The following TTYH1 variants were observed in gnomAD, a reference collection of about 807,000 sequenced individuals.
The protein encoded by TTYH1 is protein tweety homolog 1.
Under a neutral mutation model 61.2 loss-of-function variants are expected in TTYH1, and 33 were observed. That is an observed-to-expected ratio of 0.54 (90% CI 0.41 to 0.72). The LOEUF is 0.72. Ranked by LOEUF, TTYH1 falls within the 30% of genes least tolerant of loss-of-function variation. The pLI, the probability that TTYH1 is intolerant of heterozygous loss-of-function variation, is 0.00. For synonymous variants in TTYH1, 308 were observed against 266.4 expected (o/e 1.16, Z -1.52); for missense variants, 538 against 575.8 (o/e 0.93, Z 0.67).
At chr19:54,431,659 T>C (rs752030733) in intron 10 of TTYH1, 7 of 182,686 alleles carry the variant, frequency 3.8e-5, no homozygotes, top group Non-Finnish European at 8.2e-5. Flanking sequence ...AAACCTGGGA[T>C]TGCAAGAGTG....
rs2122837675 is a variant in TTYH1, at chr19:54,415,717, G to A, written c.126+39G>A. ...CCAGGGCCTGGGGGCCAGGGCTGGGGGCCGGAGCTCCTGGGTCCCGAGGGA... is the reference window on the plus strand; with the variant it reads ...CCAGGGCCTGGGGGCCAGGGCTGGGAGCCGGAGCTCCTGGGTCCCGAGGGA... On this transcript the variant is annotated intron_variant, in intron 1 of 13. Coordinates refer to ENST00000376530, the MANE Select transcript of TTYH1 (RefSeq NM_020659.4). This position sits in a 1 kb window ranked among gnomAD's most constrained non-coding sequence, Gnocchi z 5.2. 1 of 1,496,904 alleles carries A rather than the reference G, an allele frequency of 6.7e-7. No homozygotes were observed. The highest frequency in any genetic ancestry group is 8.9e-7 in the Non-Finnish European group (1 of 1,124,848). 92.7% of individuals were successfully genotyped at this position (1,496,904 alleles called of 1,614,324 possible).
At chr19:54,426,350 T>A in intron 4 of TTYH1, 1 of 348,138 alleles carries the variant, frequency 2.9e-6, no homozygotes, top group Non-Finnish European at 5.3e-6. Flanking sequence ...CTCTGCAGGG[T>A]GGGGTTGGGG....
At chr19:54,422,868 G>A (rs560162541) in intron 4 of TTYH1, among the ~76,000 whole-genome samples, 8 of 147,694 alleles carry the variant, frequency 5.4e-5, no homozygotes, top group Non-Finnish European at 7.4e-5. Context: ...AATGGAGGTT[G>A]CAGTGAGCCG....
In TTYH1 at chr19:54,435,551, G is replaced by A. The variant is rs961080546; in HGVS notation, c.1135G>A (p.Ala379Thr). Residue 379 changes from alanine to threonine, a missense_variant, in exon 11 of 14, where the codon GCA becomes ACA. Physicochemically the swap from Ala to Thr is moderately conservative, Grantham distance 58. Around this residue, in one of 3 missense-constraint regions of TTYH1, gnomAD observed 378 missense variants for 401.2 expected, o/e 0.94. Coordinates refer to ENST00000376530, the MANE Select transcript of TTYH1 (RefSeq NM_020659.4). The part of the protein sequence containing the change: ...HCRSLHKDYG[A>T]ALRGLCEDAL... ...GACGCCCTCCCCTCAGGACTATGGT[G>A]CAGCCCTGCGGGGCCTGTGCGAAGA... 1.2e-6 allele frequency: 2 copies of A among 1,602,084 alleles called. No individual in the cohort carries two copies.
chr19:54,425,636 T>A (rs1007473519), intron 4 of TTYH1, among the ~76,000 whole-genome samples: 3 of 152,184 alleles, frequency 2.0e-5, no homozygotes, highest in Admixed American at 1.3e-4. Flanking sequence ...CAGCTAGTCC[T>A]GTCTCTCACT....
rs545547676 is a variant in TTYH1 at position 54,436,831 on chromosome 19, G to C, written c.*541G>C. 3.4e-4 allele frequency: 58 copies of C among 168,270 alleles called. 1 individual carries two copies. The highest frequency in any genetic ancestry group is 6.2e-4 in the Non-Finnish European group (50 of 80,158). The allele number at this position is 168,270 out of a possible 1,614,324, so 10.4% of individuals were successfully genotyped here. A position where few individuals can be genotyped will look rare whatever the true frequency, so the allele number is the denominator to read the frequency against. On this transcript the variant is annotated 3_prime_UTR_variant, in exon 14 of 14. Coordinates refer to ENST00000376530, the MANE Select transcript of TTYH1 (RefSeq NM_020659.4). The surrounding 1 kb of genome is among the most constrained non-coding windows in gnomAD (Gnocchi z 4.3). ...CCTCCCAGCTGCCAGGAATTTCTGC[G>C]CCTGTCCAGGCTCAGCAAGGGGTCC...
At position 54,420,963 on chromosome 19, in the gene TTYH1, G is replaced by C; in HGVS notation, c.306-314G>C. Reference sequence around the variant, plus strand: ...TAGGGAGGGGAAGACGGCCCATCCCGGAGCTGGGTGTGACTGGGGTTCTGC... The same window carrying C: ...TAGGGAGGGGAAGACGGCCCATCCCCGAGCTGGGTGTGACTGGGGTTCTGC... On this transcript the variant is annotated intron_variant, in intron 2 of 13. Coordinates refer to ENST00000376530, the MANE Select transcript of TTYH1 (RefSeq NM_020659.4). The surrounding 1 kb of genome is among the most constrained non-coding windows in gnomAD (Gnocchi z 4.8). 2 of 442,132 alleles carry C rather than the reference G, an allele frequency of 4.5e-6. No individual in the cohort carries two copies. Among genetic ancestry groups the C allele is most frequent in the South Asian group, 4.8e-5 (2 of 41,620 alleles). The allele number at this position is 442,132 out of a possible 1,614,324, so 27.4% of individuals were successfully genotyped here. A position where few individuals can be genotyped will look rare whatever the true frequency, so the allele number is the denominator to read the frequency against.
rs1040873695 is a variant in TTYH1 at position 54,416,969 on chromosome 19, C to T, written c.126+1291C>T. 2 of 1,226,608 alleles carry T rather than the reference C, an allele frequency of 1.6e-6. No individual in the cohort carries two copies. The highest frequency in any genetic ancestry group is 2.8e-5 in the South Asian group (2 of 71,262). 76.0% of individuals were successfully genotyped at this position (1,226,608 alleles called of 1,614,324 possible). The stretch of plus-strand genomic sequence containing the variant: ...TCACTCCGCCCCCACGGTCGGGGGT[C>T]AGGGTCAGGGTGGCAGGGATGCGCG... On this transcript the variant is annotated intron_variant, in intron 1 of 13. Coordinates refer to ENST00000376530, the MANE Select transcript of TTYH1 (RefSeq NM_020659.4). The surrounding 1 kb of genome is among the most constrained non-coding windows in gnomAD (Gnocchi z 7.0).
chr19:54,420,575 G>A lies in TTYH1; in HGVS notation c.306-702G>A, dbSNP rs1003227438. 3 of 154,710 alleles carry A rather than the reference G, an allele frequency of 1.9e-5. No individual in the cohort carries two copies. Among genetic ancestry groups the A allele is most frequent in the Non-Finnish European group, 4.4e-5 (3 of 67,998 alleles). The allele number at this position is 154,710 out of a possible 1,614,324, so 9.6% of individuals were successfully genotyped here. A position where few individuals can be genotyped will look rare whatever the true frequency, so the allele number is the denominator to read the frequency against. ...CGGGGGCGGGGACGGGAGGGGTCTG[G>A]GGCCCCACATTCAGGTCCCACAATG... On this transcript the variant is annotated intron_variant, in intron 2 of 13. Coordinates refer to ENST00000376530, the MANE Select transcript of TTYH1 (RefSeq NM_020659.4). The surrounding 1 kb of genome is among the most constrained non-coding windows in gnomAD (Gnocchi z 4.8).
At position 54,436,382 on chromosome 19, in the gene TTYH1, C is replaced by G. The variant is rs146670905; in HGVS notation, c.*92C>G. The G allele has an allele frequency of 4.3e-4, 689 of 1,613,988 alleles. 4 individuals are homozygous for G. In the African/African-American group the frequency reaches 7.9e-3, roughly 18 times the overall value. On this transcript the variant is annotated 3_prime_UTR_variant, in exon 14 of 14. Transcript: ENST00000376530. This position sits in a 1 kb window ranked among gnomAD's most constrained non-coding sequence, Gnocchi z 4.3. ...ACCCCACTAACCCAGCCTGCCTGGG[C>G]TCTGACCACTAACACTCTTGGCCAT...
chr19:54,417,366 A>G (rs1243543602), intron 1 of TTYH1, among the ~76,000 whole-genome samples: 1 of 141,706 alleles, frequency 7.1e-6, no homozygotes, highest in Non-Finnish European at 1.5e-5. Context: ...GCACACACAC[A>G]TATGCACAGG....
intron 4 of TTYH1, among the ~76,000 whole-genome samples, chr19:54,425,776 T>C (rs1440316027): frequency 2.0e-5 from 3 of 151,878 alleles, no homozygotes; most frequent in Non-Finnish European, 4.4e-5. Context: ...AGTGCAGTGG[T>C]GCAATCTTGG....
At chr19:54,430,160 T>C (rs1426841821) in intron 7 of TTYH1, among the ~76,000 whole-genome samples, 1 of 152,082 alleles carries the variant, frequency 6.6e-6, no homozygotes, top group African/African-American at 2.4e-5. Context: ...CGCCAGACCC[T>C]CATCCCTTCT....
Position 54,422,213 on chromosome 19 carries a change from G to A in TTYH1, c.441G>A (p.Leu147=), listed in dbSNP as rs1174503619. The change falls in exon 4 of 14, where the codon CTG becomes CTA. Residue 147 remains leucine (L), a synonymous_variant. Transcript: ENST00000376530. ...DHLVLETVER[L]GEAVRTELTT... ...AGGTGTTGGAGACGGTGGAGAGGCT[G>A]GGCGAGGCGGTGAGGACAGAGCTGA... 6.4e-7 allele frequency: 1 copy of A among 1,564,250 alleles called. No homozygotes were observed. The highest frequency in any genetic ancestry group is 8.7e-7 in the Non-Finnish European group (1 of 1,154,938).
rs563095491 is a variant in TTYH1 at position 54,420,440 on chromosome 19, T to G, written c.306-837T>G. ...AGGAGCTTTGTAGGACTCTGAACAA[T>G]GGGGCGGGGACACTGGGCGTCCGAC... On this transcript the variant is annotated intron_variant, in intron 2 of 13. Transcript: ENST00000376530. The surrounding 1 kb of genome is among the most constrained non-coding windows in gnomAD (Gnocchi z 4.8). Among the ~76,000 whole-genome samples the G allele has an allele frequency of 6.6e-6, 1 of 151,534 alleles. No individual in the cohort carries two copies. Among genetic ancestry groups the G allele is most frequent in the African/African-American group, 2.4e-5 (1 of 41,194 alleles).
rs1423634484 is a variant in TTYH1 at position 54,434,664 on chromosome 19, G to A, written c.1126-878G>A. 1 of 152,300 alleles carries A rather than the reference G, an allele frequency of 6.6e-6. No homozygotes were observed. Among genetic ancestry groups the A allele is most frequent in the Non-Finnish European group, 1.5e-5 (1 of 68,114 alleles). 9.4% of individuals were successfully genotyped at this position (152,300 alleles called of 1,614,324 possible). A position where few individuals can be genotyped will look rare whatever the true frequency, so the allele number is the denominator to read the frequency against. ...TACGCTGTGCAGGTGCTTAGCACTCGGTGAAGGCCGTTTCTGCTGATTTCT... is the reference window on the plus strand; with the variant it reads ...TACGCTGTGCAGGTGCTTAGCACTCAGTGAAGGCCGTTTCTGCTGATTTCT... On this transcript the variant is annotated intron_variant, in intron 10 of 13. Coordinates refer to ENST00000376530, the MANE Select transcript of TTYH1 (RefSeq NM_020659.4). The surrounding 1 kb of genome is among the most constrained non-coding windows in gnomAD (Gnocchi z 4.3).
chr19:54,426,618 G>T (rs918994023), intron 4 of TTYH1, 55 bp from the exon 5 acceptor site: 1 of 1,440,820 alleles, frequency 6.9e-7, no homozygotes, highest in East Asian at 2.3e-5. Context: ...TTGCTGTTCC[G>T]CCGGGGTGCC....
chr19:54,436,657 A>C lies in TTYH1; in HGVS notation c.*367A>C. 3.9e-6 allele frequency: 2 copies of C among 516,050 alleles called. No homozygotes were observed. The highest frequency in any genetic ancestry group is 6.9e-6 in the Non-Finnish European group (2 of 288,586). 32.0% of individuals were successfully genotyped at this position (516,050 alleles called of 1,614,324 possible). A position where few individuals can be genotyped will look rare whatever the true frequency, so the allele number is the denominator to read the frequency against. On this transcript the variant is annotated 3_prime_UTR_variant, in exon 14 of 14. Transcript: ENST00000376530. This position sits in a 1 kb window ranked among gnomAD's most constrained non-coding sequence, Gnocchi z 4.3. ...AGTGGGCTCTGACCCCCTGATCTCA[A>C]CTCGTGGCACTAACTTGGAAAAGGG... is the stretch of plus-strand genomic sequence containing the variant.
At chr19:54,426,004 C>T (rs1385378090) in intron 4 of TTYH1, among the ~76,000 whole-genome samples, 1 of 152,250 alleles carries the variant, frequency 6.6e-6, no homozygotes, top group Non-Finnish European at 1.5e-5. Context: ...GCGTGAGCCA[C>T]CTCGCCCGGC....
Sources: gnomAD v4.1 joint callset for allele counts (sites outside exome capture counted in the v4.1 genomes callset) on GRCh38, gnomAD v4.1.1 for gene constraint, gnomAD v4.1.1 regional missense constraint, Gnocchi (gnomAD v3.1) non-coding constraint, MANE v1.5 for transcripts, NCBI Gene and HGNC (gene_info 2026-07-23, HGNC 2026-07-21) for gene names.